Variants in PRKCB observed in about 807,000 individuals in gnomAD.
PRKCB encodes the protein protein kinase C beta, also known as protein kinase C beta type.
Under a neutral mutation model 81.5 loss-of-function variants are expected in PRKCB, and 13 were observed. The ratio of observed to expected loss-of-function variants is 0.16; its 90% confidence interval spans 0.10 to 0.25. PRKCB has a LOEUF of 0.25. Ranked by LOEUF, PRKCB falls within the 10% of genes least tolerant of loss-of-function variation. The pLI, the probability that PRKCB is intolerant of heterozygous loss-of-function variation, is 1.00. For synonymous variants in PRKCB, 335 were observed against 321.4 expected, an observed-to-expected ratio of 1.04 and a Z score of -0.45; for missense variants, 509 against 875.7, an observed-to-expected ratio of 0.58 and a Z score of 5.29.
chr16:24,173,541 G>T (rs1035647029), intron 11 of PRKCB, among the ~76,000 whole-genome samples: 2 of 152,146 alleles, frequency 1.3e-5, no homozygotes, highest in African/African-American at 2.4e-5. Flanking sequence ...CTAGCCATTT[G>T]TATCTCCTGG....
chr16:24,156,097 T>C (rs920414920), intron 10 of PRKCB, among the ~76,000 whole-genome samples: 1 of 152,220 alleles, frequency 6.6e-6, no homozygotes, highest in African/African-American at 2.4e-5. Flanking sequence ...TTCTATCATT[T>C]ATTTTTCATT....
At chr16:23,935,922 A>T (rs1346192090) in intron 2 of PRKCB, among the ~76,000 whole-genome samples, 1 of 152,236 alleles carries the variant, frequency 6.6e-6, no homozygotes, top group Non-Finnish European at 1.5e-5. Context: ...CACTGTGCTC[A>T]CTGCCAGGGT....
At chr16:24,004,213 G>A (rs1965082376) in intron 3 of PRKCB, among the ~76,000 whole-genome samples, 1 of 152,132 alleles carries the variant, frequency 6.6e-6, no homozygotes, top group Admixed American at 6.5e-5. Context: ...ATTCTCTACT[G>A]AAAGGCAAAG....
In PRKCB at chr16:24,123,849, T is replaced by G; in HGVS notation, c.933T>G (p.Ser311Arg). The change falls in exon 9 of 17, where the codon AGT (serine) becomes AGG (arginine). Residue 311 changes from serine to arginine, a missense_variant. Ser to Arg is a moderately radical substitution (Grantham distance 110, BLOSUM62 -1). Around this residue, in one of 6 missense-constraint regions of PRKCB, gnomAD observed 80 missense variants for 89.4 expected, o/e 0.90. Coordinates refer to ENST00000643927, the MANE Select transcript of PRKCB (RefSeq NM_002738.7). ...CCTTTTTGCAGAGGGCCAAGATCAG[T>G]CAGGGAACCAAGGTCCCGGAAGAAA... The part of the protein sequence containing the change: ...LRQKFERAKI[S>R]QGTKVPEEKT... 6.2e-7 allele frequency: 1 copy of G among 1,614,106 alleles called. No individual in the cohort carries two copies. The highest frequency in any genetic ancestry group is 1.1e-5 in the South Asian group (1 of 91,070).
intron 2 of PRKCB, among the ~76,000 whole-genome samples, chr16:23,858,227 A>T (rs1336017289): frequency 2.0e-5 from 3 of 152,196 alleles, no homozygotes; most frequent in Admixed American, 2.0e-4. Context: ...CCTTTTGTAG[A>T]TAAGAAAGCA....
intron 3 of PRKCB, among the ~76,000 whole-genome samples, chr16:24,001,103 G>A (rs1965028746): frequency 6.6e-6 from 1 of 152,030 alleles, no homozygotes; most frequent in African/African-American, 2.4e-5. Flanking sequence ...TTAATGTCTG[G>A]AGGAGCCTCT....
chr16:23,877,147 A>G (rs959599070), intron 2 of PRKCB, among the ~76,000 whole-genome samples: 3 of 151,926 alleles, frequency 2.0e-5, no homozygotes, highest in African/African-American at 7.3e-5. Context: ...AAAAGATGCA[A>G]ATTTCCCACC....
chr16:23,875,640 T>TAC lies in PRKCB; in HGVS notation c.205+38235_205+38236insCA, dbSNP rs1567298608. 2.7e-4 allele frequency among the ~76,000 whole-genome samples: 26 copies of TAC among 97,782 alleles called. 1 individual carries two copies. Among genetic ancestry groups the TAC allele is most frequent in the African/African-American group, 9.8e-4 (26 of 26,546 alleles). The allele number at this position is 97,782 out of a possible 152,430, so 64.1% of individuals were successfully genotyped here. On this transcript the variant is annotated intron_variant, in intron 2 of 16. Coordinates refer to ENST00000643927, the MANE Select transcript of PRKCB (RefSeq NM_002738.7). ...CACATATATGTATGTATATCACACA[T>TAC]ATATGTATGTATATCACACATATAT... is the stretch of plus-strand genomic sequence containing the variant.
chr16:24,214,612 G>T, intron 16 of PRKCB, 46 bp from the exon 17 acceptor site: 1 of 1,526,910 alleles, frequency 6.5e-7, no homozygotes, highest in Non-Finnish European at 9.0e-7. Context: ...TTTTGTTTTT[G>T]TTTTTTTTCC....
chr16:24,067,264 C>T (rs976345651), intron 5 of PRKCB, among the ~76,000 whole-genome samples: 8 of 152,004 alleles, frequency 5.3e-5, no homozygotes, highest in Non-Finnish European at 8.8e-5. Flanking sequence ...TTGATAATTC[C>T]AGTGTCTGAA....
intron 12 of PRKCB, among the ~76,000 whole-genome samples, chr16:24,177,235 C>T (rs1967549302): frequency 6.6e-6 from 1 of 152,208 alleles, no homozygotes; most frequent in Admixed American, 6.5e-5. Flanking sequence ...CAGGAAGCCG[C>T]ACTGGGATCT....
intron 16 of PRKCB, among the ~76,000 whole-genome samples, chr16:24,197,516 A>G (rs1309433229): frequency 6.6e-6 from 1 of 151,926 alleles, no homozygotes; most frequent in Non-Finnish European, 1.5e-5. Context: ...GGGGTGTGAG[A>G]TCAGAGAGGC....
intron 2 of PRKCB, among the ~76,000 whole-genome samples, chr16:23,852,578 C>A (rs183864978): frequency 6.6e-6 from 1 of 152,164 alleles, no homozygotes; most frequent in East Asian, 1.9e-4. Context: ...TTATAGTTTT[C>A]TTCTCTTGTG....
At chr16:24,048,486 TTTTC>T (rs1965794803) in intron 5 of PRKCB, among the ~76,000 whole-genome samples, 2 of 143,008 alleles carry the variant, frequency 1.4e-5, no homozygotes, top group African/African-American at 2.6e-5. Context: ...CTTTCTTTTC[TTTTC>T]TTTCTTTTTT....
intron 3 of PRKCB, among the ~76,000 whole-genome samples, chr16:24,020,489 A>G (rs1239029788): frequency 1.3e-5 from 2 of 152,206 alleles, no homozygotes; most frequent in African/African-American, 4.8e-5. Flanking sequence ...AAATGTTGCC[A>G]TGATGATTTT....
chr16:24,118,194 T>C (rs1374599407), intron 8 of PRKCB, among the ~76,000 whole-genome samples: 3 of 152,242 alleles, frequency 2.0e-5, no homozygotes, highest in Non-Finnish European at 4.4e-5. Flanking sequence ...TGTAAGCAAG[T>C]TGCTTTGTCT....
At chr16:24,121,543 T>C (rs1028419296) in intron 8 of PRKCB, among the ~76,000 whole-genome samples, 2 of 152,172 alleles carry the variant, frequency 1.3e-5, no homozygotes, top group Admixed American at 1.3e-4. Context: ...CATGTCCAGC[T>C]AATTAAACTT....
intron 16 of PRKCB, among the ~76,000 whole-genome samples, chr16:24,211,648 T>C (rs1420631813): frequency 6.7e-6 from 1 of 150,292 alleles, no homozygotes; most frequent in African/African-American, 2.5e-5. Flanking sequence ...AACCTCTGCC[T>C]CCTGGGTTTA....
At chr16:23,961,685 C>G (rs1964428298) in intron 2 of PRKCB, among the ~76,000 whole-genome samples, 1 of 151,990 alleles carries the variant, frequency 6.6e-6, no homozygotes, top group Non-Finnish European at 1.5e-5. Context: ...GGACCAGAAG[C>G]ATTTCTGAGT....
Sources: allele counts gnomAD v4.1 joint callset (sites outside exome capture counted in the v4.1 genomes callset), GRCh38; gene constraint gnomAD v4.1.1; regional missense constraint gnomAD v4.1.1; transcripts MANE v1.5; gene names NCBI Gene and HGNC (gene_info 2026-07-23, HGNC 2026-07-21).